PKN2: variants seen among roughly 807,000 people sequenced by gnomAD.
PKN2 encodes the protein protein kinase N2.
A neutral mutation model predicts 119.1 loss-of-function variants in PKN2; 38 were observed. That is an observed-to-expected ratio of 0.32 (90% CI 0.25 to 0.42). PKN2 has a LOEUF of 0.42. Ranked by LOEUF, PKN2 falls within the 10% of genes least tolerant of loss-of-function variation. The pLI, the probability that PKN2 is intolerant of heterozygous loss-of-function variation, is 1.00. For missense variants in PKN2, 850 were observed against 1,165.1 expected (o/e 0.73, Z 3.94); for synonymous variants, 390 against 384.9 (o/e 1.01, Z -0.15).
chr1:88,811,643 A>G (rs182361697), intron 15 of PKN2, among the ~76,000 whole-genome samples: 135 of 152,248 alleles, frequency 8.9e-4, no homozygotes, highest in African/African-American at 2.7e-3. Context: ...CAGCAATACC[A>G]GTTGTTCAAG....
chr1:88,690,773 G>A (rs1346519502), intron 1 of PKN2, among the ~76,000 whole-genome samples: 1 of 152,010 alleles, frequency 6.6e-6, no homozygotes, highest in Non-Finnish European at 1.5e-5. Context: ...AAAAAATGAA[G>A]ATCAAGAAAG....
chr1:88,779,887 G>T (rs956484192), intron 6 of PKN2, among the ~76,000 whole-genome samples: 1 of 152,222 alleles, frequency 6.6e-6, no homozygotes, highest in Non-Finnish European at 1.5e-5. Context: ...GGCAACCTGG[G>T]ATACCAAAGT....
chr1:88,767,880 A>C (rs899336164), intron 3 of PKN2, among the ~76,000 whole-genome samples: 5 of 152,010 alleles, frequency 3.3e-5, no homozygotes, highest in Admixed American at 1.3e-4. Context: ...ATTCAGTGTC[A>C]TATAGTGTGT....
chr1:88,796,863 T>C (rs1671088678), intron 8 of PKN2, among the ~76,000 whole-genome samples: 1 of 152,140 alleles, frequency 6.6e-6, no homozygotes, highest in East Asian at 1.9e-4. Context: ...TTAGTATACA[T>C]ATTCACTAAG....
intron 17 of PKN2, among the ~76,000 whole-genome samples, chr1:88,824,008 C>CAAAA (rs3061489): frequency 1.5e-4 from 17 of 116,962 alleles, no homozygotes; most frequent in South Asian, 5.6e-4. Context: ...GACTCTGTCT[C>CAAAA]AAAAAAAAAA....
At chr1:88,811,222 T>C (rs1671770298) in intron 15 of PKN2, among the ~76,000 whole-genome samples, 1 of 152,186 alleles carries the variant, frequency 6.6e-6, no homozygotes, top group South Asian at 2.1e-4. Context: ...AATTTATATT[T>C]CAACACAACA....
At chr1:88,764,432 T>C (rs999055682) in intron 3 of PKN2, among the ~76,000 whole-genome samples, 2 of 152,190 alleles carry the variant, frequency 1.3e-5, no homozygotes, top group Admixed American at 1.3e-4. Flanking sequence ...ATGTGATCAA[T>C]TTATCATCAG....
chr1:88,772,877 G>A (rs916292379), intron 6 of PKN2, among the ~76,000 whole-genome samples: 4 of 151,840 alleles, frequency 2.6e-5, no homozygotes, highest in African/African-American at 9.7e-5. Flanking sequence ...TGTTCTAATA[G>A]GTCCATTATT....
intron 3 of PKN2, among the ~76,000 whole-genome samples, chr1:88,764,557 A>G (rs572560308): frequency 6.6e-6 from 1 of 152,244 alleles, no homozygotes; most frequent in Non-Finnish European, 1.5e-5. Flanking sequence ...AATACTCAAT[A>G]AGTATCTGTT....
chr1:88,712,154 T>C (rs1667261981), intron 1 of PKN2, among the ~76,000 whole-genome samples: 1 of 152,180 alleles, frequency 6.6e-6, no homozygotes, highest in Non-Finnish European at 1.5e-5. Flanking sequence ...CAATATGATC[T>C]GAATACATTT....
At chr1:88,723,410 G>GA (rs567944078) in intron 1 of PKN2, among the ~76,000 whole-genome samples, 1 of 125,128 alleles carries the variant, frequency 8.0e-6, no homozygotes, top group Non-Finnish European at 1.6e-5. Context: ...ACCGTGCCCT[G>GA]CCCCCCCCCC....
At chr1:88,804,570 A>C (rs753475724) in intron 9 of PKN2, 36 bp downstream of exon 9, 1 of 1,568,042 alleles carries the variant, frequency 6.4e-7, no homozygotes. Flanking sequence ...GCATAACTAC[A>C]ATTGAAATTA....
intron 2 of PKN2, among the ~76,000 whole-genome samples, chr1:88,752,532 C>T (rs946302235): frequency 6.6e-6 from 1 of 151,934 alleles, no homozygotes; most frequent in African/African-American, 2.4e-5. Flanking sequence ...TGCAGATTTG[C>T]TATATTTTTA....
At position 88,760,378 on chromosome 1, in the gene PKN2, T is replaced by C; in HGVS notation, c.504+2T>C. On this transcript the variant is annotated splice_donor_variant, in intron 3 of 21. Transcript: ENST00000370521. LOFTEE classifies it high-confidence loss of function. ...ATGTATTCAAATGGATCTTCAAAGG[T>C]AAGTGTAGTTAATAAATGTAACTAT... 6.8e-7 allele frequency: 1 copy of C among 1,464,084 alleles called. No individual in the cohort carries two copies. Among genetic ancestry groups the C allele is most frequent in the South Asian group, 1.2e-5 (1 of 81,126 alleles). 90.7% of individuals were successfully genotyped at this position (1,464,084 alleles called of 1,614,324 possible). A position where few individuals can be genotyped will look rare whatever the true frequency, so the allele number is the denominator to read the frequency against.
chr1:88,725,623 A>T (rs1468493501), intron 1 of PKN2, among the ~76,000 whole-genome samples: 1 of 152,170 alleles, frequency 6.6e-6, no homozygotes, highest in Non-Finnish European at 1.5e-5. Flanking sequence ...TTATTTATAT[A>T]TTCCACATAT....
At chr1:88,713,152 A>G (rs12403528) in intron 1 of PKN2, among the ~76,000 whole-genome samples, 77,344 of 152,122 alleles carry the variant, frequency 0.51, 20,377 homozygotes, top group Middle Eastern at 0.7. Flanking sequence ...TATGTGCCAC[A>G]CTTTCTTAAT....
Position 88,824,293 on chromosome 1 carries a change from CT to C in PKN2, c.2343-12del, listed in dbSNP as rs1557637679. 4 of 1,362,276 alleles carry C rather than the reference CT, an allele frequency of 2.9e-6. No individual in the cohort carries two copies. In the Admixed American group the frequency reaches 7.8e-5, roughly 26 times the overall value. The allele number at this position is 1,362,276 out of a possible 1,614,324, so 84.4% of individuals were successfully genotyped here. ...TTGATTTTTTTTTTTCATGCTGTAT[CT>C]TTTTATCCTGAACAGAGATTTGAAA... On this transcript the variant is annotated splice_polypyrimidine_tract_variant and intron_variant, in intron 17 of 21. Transcript: ENST00000370521.
chr1:88,755,180 G>A (rs1011392984), intron 2 of PKN2, among the ~76,000 whole-genome samples: 2 of 152,112 alleles, frequency 1.3e-5, no homozygotes, highest in Non-Finnish European at 2.9e-5. Context: ...GGAGTAGGGA[G>A]TTCTAGTTTT....
chr1:88,747,221 G>T (rs1333864974), intron 2 of PKN2, among the ~76,000 whole-genome samples: 3 of 152,082 alleles, frequency 2.0e-5, no homozygotes, highest in Non-Finnish European at 2.9e-5. Flanking sequence ...ATAGTTAATA[G>T]CAATGTATTG....
Sources: allele counts gnomAD v4.1 joint callset (sites outside exome capture counted in the v4.1 genomes callset), GRCh38; gene constraint gnomAD v4.1.1; transcripts MANE v1.5; gene names NCBI Gene and HGNC (gene_info 2026-07-23, HGNC 2026-07-21).